CDH7: variants seen among roughly 807,000 people sequenced by gnomAD.
The protein encoded by CDH7 is cadherin 7, also known as cadherin-7.
In CDH7, 25 loss-of-function variants were observed where a neutral mutation model predicts 71.8. That is an observed-to-expected ratio of 0.35 (90% CI 0.25 to 0.49). CDH7 has a LOEUF of 0.49. Ranked by LOEUF, CDH7 falls within the 20% of genes least tolerant of loss-of-function variation. The pLI is 0.99. For missense variants in CDH7, 862 were observed against 974.6 expected (o/e 0.88, Z 1.54); for synonymous variants, 381 against 363.8 (o/e 1.05, Z -0.54).
chr18:65,828,084 A>G (rs891514115), intron 6 of CDH7, among the ~76,000 whole-genome samples: 1 of 151,656 alleles, frequency 6.6e-6, no homozygotes, highest in Non-Finnish European at 1.5e-5. Context: ...ACTAGTATAC[A>G]GGAGCTTAAT....
At chr18:65,805,673 G>A (rs977601513) in intron 2 of CDH7, among the ~76,000 whole-genome samples, 3 of 152,194 alleles carry the variant, frequency 2.0e-5, no homozygotes, top group Admixed American at 6.5e-5. Context: ...GCCACAATTG[G>A]CTGGACCATC....
intron 9 of CDH7, among the ~76,000 whole-genome samples, chr18:65,859,445 G>C (rs1913481174): frequency 6.6e-6 from 1 of 152,120 alleles, no homozygotes; most frequent in Non-Finnish European, 1.5e-5. Flanking sequence ...GTCTTGTGAT[G>C]TTTCCTGGGA....
At chr18:65,829,343 C>G (rs1912249964) in intron 6 of CDH7, among the ~76,000 whole-genome samples, 1 of 151,922 alleles carries the variant, frequency 6.6e-6, no homozygotes, top group Non-Finnish European at 1.5e-5. Flanking sequence ...TGGTCTCGAT[C>G]TCCTGAACTT....
chr18:65,868,844 G>A (rs1453707966), intron 11 of CDH7, among the ~76,000 whole-genome samples: 1 of 152,124 alleles, frequency 6.6e-6, no homozygotes, highest in Non-Finnish European at 1.5e-5. Context: ...AATGAATTTT[G>A]TGATACTTGT....
chr18:65,871,904 T>A (rs979480276), intron 11 of CDH7, among the ~76,000 whole-genome samples: 1 of 152,160 alleles, frequency 6.6e-6, no homozygotes, highest in Non-Finnish European at 1.5e-5. Flanking sequence ...GAGATTTAGA[T>A]GTCAGAGACA....
At chr18:65,852,927 G>A (rs997357072) in intron 7 of CDH7, among the ~76,000 whole-genome samples, 1 of 152,120 alleles carries the variant, frequency 6.6e-6, no homozygotes, top group African/African-American at 2.4e-5. Context: ...GGAAAAGGTT[G>A]ATGAATTTGC....
intron 2 of CDH7, among the ~76,000 whole-genome samples, chr18:65,788,037 T>C (rs1910576761): frequency 6.6e-6 from 1 of 152,126 alleles, no homozygotes; most frequent in African/African-American, 2.4e-5. Flanking sequence ...AAAACATATA[T>C]TAACTCTAAG....
intron 10 of CDH7, among the ~76,000 whole-genome samples, chr18:65,862,214 C>CTAA (rs374717608): frequency 0.01 from 1,578 of 152,114 alleles, 29 homozygotes; most frequent in African/African-American, 0.036. Context: ...TGATTTTACC[C>CTAA]TTTTTAAATA....
At chr18:65,852,157 GA>G (rs113915478) in intron 7 of CDH7, among the ~76,000 whole-genome samples, 1 of 151,260 alleles carries the variant, frequency 6.6e-6, no homozygotes, top group Non-Finnish European at 1.5e-5. Flanking sequence ...GCAGAGGGGT[GA>G]AAAAAAACAA....
chr18:65,838,136 G>T (rs1912599049), intron 6 of CDH7, among the ~76,000 whole-genome samples: 1 of 151,920 alleles, frequency 6.6e-6, no homozygotes, highest in South Asian at 2.1e-4. Context: ...TGTTGACCAG[G>T]CTGGTCTTGA....
chr18:65,778,650 A>G (rs1487016863), intron 2 of CDH7, among the ~76,000 whole-genome samples: 1 of 128,482 alleles, frequency 7.8e-6, no homozygotes, highest in Non-Finnish European at 1.6e-5. Context: ...GAAAGTTTGC[A>G]TATAGAGTTT....
intron 10 of CDH7, among the ~76,000 whole-genome samples, chr18:65,861,226 A>G (rs142829354): frequency 1.0e-3 from 158 of 152,266 alleles, no homozygotes; most frequent in African/African-American, 3.2e-3. Context: ...GAATACAGAG[A>G]GAGTCAGTTC....
intron 2 of CDH7, chr18:65,803,873 A>C (rs969970557): frequency 2.8e-5 from 4 of 143,274 alleles, no homozygotes; most frequent in African/African-American, 5.0e-5. Flanking sequence ...AAAAAAAAAG[A>C]ACACACACAC....
Position 65,889,521 on chromosome 18 carries a change from C to T in CDH7, c.*8627C>T, listed in dbSNP as rs528041105. 2 of 152,210 alleles carry T rather than the reference C, an allele frequency of 1.3e-5. No individual in the cohort carries two copies. Among genetic ancestry groups the T allele is most frequent in the East Asian group, 1.9e-4 (1 of 5,176 alleles). The allele number at this position is 152,210 out of a possible 1,614,324, so 9.4% of individuals were successfully genotyped here. A position where few individuals can be genotyped will look rare whatever the true frequency, so the allele number is the denominator to read the frequency against. On this transcript the variant is annotated 3_prime_UTR_variant, in exon 12 of 12. Transcript: ENST00000397968. ...TGACCAAACACAGACGATAACCCACCATGAAGGAGATGGTTCATAGAAATC... is the reference window on the plus strand; with the variant it reads ...TGACCAAACACAGACGATAACCCACTATGAAGGAGATGGTTCATAGAAATC...
At chr18:65,794,773 G>C (rs759125397) in intron 2 of CDH7, among the ~76,000 whole-genome samples, 14 of 151,986 alleles carry the variant, frequency 9.2e-5, no homozygotes, top group Non-Finnish European at 7.4e-5. Context: ...GAGAATACAG[G>C]CTTCGTTGTT....
At position 65,861,989 on chromosome 18, in the gene CDH7, CTT is replaced by C. The variant is rs375536806; in HGVS notation, c.1613-676_1613-675del. ...ATATATAAATCACACGTTATATAGA[CTT>C]ATTGATCACTTGTTTAAAGTTCATA... On this transcript the variant is annotated intron_variant, in intron 10 of 11. Coordinates refer to ENST00000397968, the MANE Select transcript of CDH7 (RefSeq NM_004361.5). 3.2e-3 allele frequency among the ~76,000 whole-genome samples: 492 copies of C among 152,188 alleles called. 2 individuals carry two copies. The highest frequency in any genetic ancestry group is 0.011 in the African/African-American group (456 of 41,546).
intron 2 of CDH7, among the ~76,000 whole-genome samples, chr18:65,765,315 G>T (rs970955319): frequency 2.0e-5 from 3 of 151,872 alleles, no homozygotes; most frequent in Non-Finnish European, 4.4e-5. Flanking sequence ...CAGAGAACTT[G>T]ATTACTATAG....
At chr18:65,812,401 C>G (rs7237083) in intron 3 of CDH7, among the ~76,000 whole-genome samples, 2 of 152,232 alleles carry the variant, frequency 1.3e-5, no homozygotes, top group East Asian at 3.8e-4. Flanking sequence ...AATATAAAAA[C>G]TGGAACATAG....
intron 2 of CDH7, among the ~76,000 whole-genome samples, chr18:65,771,500 AAT>A (rs539166677): frequency 6.6e-5 from 10 of 151,808 alleles, no homozygotes; most frequent in African/African-American, 2.2e-4. Context: ...ATAAAATAAA[AAT>A]AAAAAACAAA....
Sources: gnomAD v4.1 joint callset for allele counts (sites outside exome capture counted in the v4.1 genomes callset) on GRCh38, gnomAD v4.1.1 for gene constraint, MANE v1.5 for transcripts, NCBI Gene and HGNC (gene_info 2026-07-23, HGNC 2026-07-21) for gene names.